PDE9A: variants seen among roughly 807,000 people sequenced by gnomAD.
PDE9A encodes phosphodiesterase 9A, also known as high affinity cGMP-specific 3',5'-cyclic phosphodiesterase 9A.
Under a neutral mutation model 87.4 loss-of-function variants are expected in PDE9A, and 60 were observed. The observed-to-expected ratio is 0.69, with a 90% CI of 0.56 to 0.85. The LOEUF (loss-of-function observed/expected upper bound fraction) is 0.85. Among genes scored for constraint, PDE9A ranks in the 40% least tolerant of loss-of-function variants. The pLI is 0.00. For missense variants in PDE9A, 665 were observed against 779.0 expected, an observed-to-expected ratio of 0.85 and a Z score of 1.74; for synonymous variants, 272 against 279.4, an observed-to-expected ratio of 0.97 and a Z score of 0.27.
At chr21:42,679,249 G>A (rs1471362359) in intron 1 of PDE9A, among the ~76,000 whole-genome samples, 1 of 152,200 alleles carries the variant, frequency 6.6e-6, no homozygotes, top group Non-Finnish European at 1.5e-5. Flanking sequence ...CATCGAGTCT[G>A]TGTCCTATTT....
chr21:42,692,158 C>T lies in PDE9A; in HGVS notation c.218+4164C>T, dbSNP rs1007624747. ...CTGGATTTCCAGCCCCTAAACGAGG[C>T]GGGGCATGCTGGGTGCAGGATGGAA... On this transcript the variant is annotated intron_variant, in intron 3 of 19. Transcript: ENST00000291539. This position sits in a 1 kb window ranked among gnomAD's most constrained non-coding sequence, Gnocchi z 4.3. 6.6e-6 allele frequency among the ~76,000 whole-genome samples: 1 copy of T among 152,202 alleles called. No individual in the cohort carries two copies. Among genetic ancestry groups the T allele is most frequent in the Non-Finnish European group, 1.5e-5 (1 of 68,038 alleles).
Position 42,732,091 on chromosome 21 carries a change from G to C in PDE9A, c.464G>C (p.Ser155Thr). Residue 155 changes from serine (S) to threonine (T), a missense_variant, in exon 6 of 20, where the codon AGC becomes ACC. Ser to Thr is a moderately conservative substitution (Grantham distance 58, BLOSUM62 1). Transcript: ENST00000291539. Reference sequence around the variant, plus strand: ...GTAGAGAGAGAAGAATTAATCCAGAGCGTGCTGGCGCAGGTTGCAGAGCAG... The same window carrying C: ...GTAGAGAGAGAAGAATTAATCCAGACCGTGCTGGCGCAGGTTGCAGAGCAG... ...IPPEREELIQ[S>T]VLAQVAEQFS... The C allele has an allele frequency of 6.2e-7, 1 of 1,614,236 alleles. No individual in the cohort carries two copies. The highest frequency in any genetic ancestry group is 1.6e-4 in the Middle Eastern group (1 of 6,062).
At chr21:42,663,236 C>T (rs992912186) in intron 1 of PDE9A, among the ~76,000 whole-genome samples, 18 of 150,538 alleles carry the variant, frequency 1.2e-4, no homozygotes, top group African/African-American at 4.4e-4. Flanking sequence ...ACATGCATAT[C>T]ACACACATGC....
In PDE9A at chr21:42,775,328, G is replaced by A. The variant is rs748479374; in HGVS notation, c.*35G>A. On this transcript the variant is annotated 3_prime_UTR_variant, in exon 20 of 20. Coordinates refer to ENST00000291539, the MANE Select transcript of PDE9A (RefSeq NM_002606.3). ...GGGGCGTGGCTGCAGTTCTGGACGG[G>A]CTGGCCGAGCTGCGCGGGATCCTTG... 7 of 1,603,716 alleles carry A rather than the reference G, an allele frequency of 4.4e-6. No homozygotes were observed. The highest frequency in any genetic ancestry group is 6.0e-6 in the Non-Finnish European group (7 of 1,174,408).
intron 1 of PDE9A, among the ~76,000 whole-genome samples, chr21:42,662,268 G>A (rs568801851): frequency 6.6e-6 from 1 of 151,922 alleles, no homozygotes; most frequent in Non-Finnish European, 1.5e-5. Flanking sequence ...TCCCACTATC[G>A]TCCCCAGCAC....
chr21:42,747,670 C>T (rs904611538), intron 8 of PDE9A, among the ~76,000 whole-genome samples: 9 of 152,202 alleles, frequency 5.9e-5, no homozygotes, highest in Non-Finnish European at 1.3e-4. Context: ...ACATTTAGGG[C>T]AGGGGCAGGG....
chr21:42,766,123 G>C (rs12481794), intron 15 of PDE9A, among the ~76,000 whole-genome samples: 2,408 of 152,268 alleles, frequency 0.016, 31 homozygotes, highest in Middle Eastern at 0.061. Context: ...GAGTCCAAAA[G>C]TTTGAGACCA....
chr21:42,718,244 G>A (rs1016200035), intron 4 of PDE9A, among the ~76,000 whole-genome samples: 12 of 151,694 alleles, frequency 7.9e-5, no homozygotes, highest in Admixed American at 2.0e-4. Context: ...TTTATCTTTA[G>A]GTTTCAGCAG....
rs200551730 is a variant in PDE9A, at chr21:42,759,382, C to A, written c.897+297C>A. 2.0e-5 allele frequency among the ~76,000 whole-genome samples: 3 copies of A among 149,082 alleles called. No homozygotes were observed. Among genetic ancestry groups the A allele is most frequent in the Non-Finnish European group, 3.0e-5 (2 of 67,372 alleles). On this transcript the variant is annotated intron_variant, in intron 11 of 19. Coordinates refer to ENST00000291539, the MANE Select transcript of PDE9A (RefSeq NM_002606.3). The surrounding 1 kb of genome is among the most constrained non-coding windows in gnomAD (Gnocchi z 7.2). ...GTCCTAAAGCAGCGGTGTGTGGGAG[C>A]GTGTGTGTGTGTGTGGGAGCGTGTG...
intron 4 of PDE9A, among the ~76,000 whole-genome samples, chr21:42,726,616 A>ATT (rs1569207357): frequency 4.3e-5 from 1 of 23,162 alleles, no homozygotes; most frequent in African/African-American, 3.3e-4. Flanking sequence ...ATATATATAT[A>ATT]TATATATATT....
chr21:42,679,224 G>C (rs1441430131), intron 1 of PDE9A, among the ~76,000 whole-genome samples: 1 of 152,174 alleles, frequency 6.6e-6, no homozygotes, highest in African/African-American at 2.4e-5. Flanking sequence ...ATGCCTGCCC[G>C]CAGGCTGCTG....
intron 14 of PDE9A, among the ~76,000 whole-genome samples, chr21:42,763,449 T>A (rs2056031490): frequency 6.6e-6 from 1 of 152,044 alleles, no homozygotes; most frequent in South Asian, 2.1e-4. Context: ...GATTGGAGAT[T>A]TGAGTGATGC....
At chr21:42,668,495 C>A (rs1231595723) in intron 1 of PDE9A, among the ~76,000 whole-genome samples, 1 of 152,232 alleles carries the variant, frequency 6.6e-6, no homozygotes, top group Non-Finnish European at 1.5e-5. Context: ...GAGAGGCCTT[C>A]AGAAATGCCC....
intron 1 of PDE9A, among the ~76,000 whole-genome samples, chr21:42,679,358 CTG>C (rs530763440): frequency 3.8e-4 from 58 of 151,468 alleles, no homozygotes; most frequent in Non-Finnish European, 6.9e-4. Flanking sequence ...CCAGCTCACA[CTG>C]AAATCACGCC....
At chr21:42,724,443 A>G (rs1386340752) in intron 4 of PDE9A, 2 of 184,890 alleles carry the variant, frequency 1.1e-5, no homozygotes, top group Non-Finnish European at 2.0e-5. Flanking sequence ...AGGAATTCCA[A>G]TGATTCTAGG....
intron 15 of PDE9A, among the ~76,000 whole-genome samples, chr21:42,767,666 G>A (rs1308305002): frequency 6.6e-6 from 1 of 152,164 alleles, no homozygotes; most frequent in Non-Finnish European, 1.5e-5. Flanking sequence ...CCAACACTTT[G>A]GTCTGGAAAC....
chr21:42,772,028 C>T (rs1205484455), intron 18 of PDE9A, among the ~76,000 whole-genome samples: 1 of 152,146 alleles, frequency 6.6e-6, no homozygotes, highest in East Asian at 1.9e-4. Context: ...CCCTGATGGC[C>T]TTGAGTCTCT....
In PDE9A at chr21:42,712,565, G is replaced by A. The variant is rs569550866; in HGVS notation, c.262+13554G>A. ...AACTGCAATACAGTTAAATAAAAGT[G>A]AGAGCAGACGTCCTCGCCTTGTTCC... is the stretch of plus-strand genomic sequence containing the variant. On this transcript the variant is annotated intron_variant, in intron 4 of 19. Transcript: ENST00000291539. 1.1e-3 allele frequency among the ~76,000 whole-genome samples: 161 copies of A among 152,328 alleles called. 1 individual carries two copies. The highest frequency in any genetic ancestry group is 3.7e-3 in the African/African-American group (152 of 41,576).
chr21:42,771,088 C>T (rs1476338352), intron 18 of PDE9A, among the ~76,000 whole-genome samples: 1 of 152,240 alleles, frequency 6.6e-6, no homozygotes, highest in Admixed American at 6.5e-5. Context: ...CTGTGGACAC[C>T]CAGGTGTCTT....
Sources: gnomAD v4.1 joint callset for allele counts (sites outside exome capture counted in the v4.1 genomes callset) on GRCh38, gnomAD v4.1.1 for gene constraint, Gnocchi (gnomAD v3.1) non-coding constraint, MANE v1.5 for transcripts, NCBI Gene and HGNC (gene_info 2026-07-23, HGNC 2026-07-21) for gene names.